Variants in ZXDC observed in about 807,000 individuals in gnomAD.
ZXDC encodes the protein ZXD family zinc finger C, also known as zinc finger protein ZXDC.
ZXDC carries 58 observed loss-of-function variants against 63.6 expected under a neutral mutation model. The ratio of observed to expected loss-of-function variants is 0.91; its 90% CI spans 0.74 to 1.13. The LOEUF (loss-of-function observed/expected upper bound fraction) is 1.13. Among genes scored for constraint, ZXDC ranks in the 50% most tolerant of loss-of-function variants. The probability of loss-of-function intolerance (pLI) is 0.00; values close to 1 mark genes in which losing one functional copy is unlikely to be tolerated. For missense variants in ZXDC, 1,133 were observed against 1,148.9 expected (o/e 0.99, Z 0.20); for synonymous variants, 561 against 496.1 (o/e 1.13, Z -1.74).
At chr3:126,465,820 G>A (rs1934735098) in intron 5 of ZXDC, among the ~76,000 whole-genome samples, 2 of 152,152 alleles carry the variant, frequency 1.3e-5, no homozygotes. Context: ...GCATGGTGGT[G>A]GATGCCTGTG....
chr3:126,470,341 C>T (rs559172456), intron 4 of ZXDC, among the ~76,000 whole-genome samples: 17 of 152,258 alleles, frequency 1.1e-4, no homozygotes, highest in African/African-American at 3.9e-4. Flanking sequence ...GTGGCATACG[C>T]CTGTAGTCCC....
intron 7 of ZXDC, among the ~76,000 whole-genome samples, chr3:126,444,481 G>C (rs931037924): frequency 6.6e-6 from 1 of 151,632 alleles, no homozygotes; most frequent in Admixed American, 6.6e-5. Context: ...GCAGTGAGCC[G>C]AGATCATGCC....
intron 7 of ZXDC, chr3:126,452,316 T>TG (rs1934139536): frequency 2.0e-6 from 2 of 985,314 alleles, no homozygotes; most frequent in South Asian, 9.4e-5. Flanking sequence ...GACTTCTGCA[T>TG]GAAATCGCAC....
intron 7 of ZXDC, chr3:126,457,205 A>T (rs970804996): frequency 5.3e-5 from 51 of 958,884 alleles, no homozygotes; most frequent in Admixed American, 6.2e-5. Context: ...GACTGCGGCC[A>T]CAGGGGACTC....
intron 7 of ZXDC, chr3:126,453,672 T>C: frequency 4.1e-6 from 4 of 985,432 alleles, no homozygotes; most frequent in Non-Finnish European, 4.8e-6. Context: ...TCCATTTTCC[T>C]GTATTTGTAA....
intron 5 of ZXDC, among the ~76,000 whole-genome samples, chr3:126,462,453 A>G (rs1039931665): frequency 1.3e-5 from 2 of 152,182 alleles, no homozygotes; most frequent in Non-Finnish European, 2.9e-5. Flanking sequence ...CACTTTACGT[A>G]CGCGTCTTGG....
Position 126,466,124 on chromosome 3 carries a change from G to A in ZXDC, c.1441+31C>T, listed in dbSNP as rs527524797. 18 of 1,590,572 alleles carry A rather than the reference G, an allele frequency of 1.1e-5. No homozygotes were observed. The South Asian group carries it at 2.0e-4, about 18-fold the overall frequency. On this transcript the variant is annotated intron_variant, in intron 5 of 9. Coordinates refer to ENST00000389709, the MANE Select transcript of ZXDC (RefSeq NM_025112.5). ...TGTTCCCGTTTCTCACAGGGAAGCA[G>A]CTCCCCATGGGGGCCGTGGAAAGTG...
At position 126,460,681 on chromosome 3, in the gene ZXDC, C is replaced by CA. The variant is rs527854591; in HGVS notation, c.2127+853dup. 4.0e-4 allele frequency: 392 copies of CA among 985,402 alleles called. 1 individual carries two copies. The African/African-American group carries it at 6.6e-3, about 16-fold the overall frequency. 61.0% of individuals were successfully genotyped at this position (985,402 alleles called of 1,614,324 possible). On this transcript the variant is annotated intron_variant, in intron 6 of 9. Transcript: ENST00000389709. ...CAAATGCCGGCAAGCATGGCTCTGC[C>CA]ACCGACAAGCAAGACACCAGAAATG...
At chr3:126,471,653 T>C (rs1042606735) in intron 3 of ZXDC, among the ~76,000 whole-genome samples, 1 of 151,654 alleles carries the variant, frequency 6.6e-6, no homozygotes, top group Non-Finnish European at 1.5e-5. Flanking sequence ...ATTACCACCA[T>C]GAAAACTTGT....
intron 8 of ZXDC, chr3:126,440,305 C>G (rs1454462598): frequency 2.0e-6 from 2 of 988,684 alleles, no homozygotes; most frequent in Non-Finnish European, 2.4e-6. Flanking sequence ...CGAAGCGGAG[C>G]TCCTGGTGCT....
At position 126,438,112 on chromosome 3, in the gene ZXDC, T is replaced by C. The variant is rs1426200799; in HGVS notation, c.*263A>G. 1.9e-6 allele frequency: 1 copy of C among 537,880 alleles called. No individual in the cohort carries two copies. Among genetic ancestry groups the C allele is most frequent in the Admixed American group, 3.2e-5 (1 of 31,160 alleles). The allele number at this position is 537,880 out of a possible 1,614,324, so 33.3% of individuals were successfully genotyped here. ...CAACGGGACACGGGGAAAGAGGCTG[T>C]AGTGCACCTAGCCCTGCTGAGGGAG... On this transcript the variant is annotated 3_prime_UTR_variant, in exon 10 of 10. Transcript: ENST00000389709.
chr3:126,469,500 C>G (rs1198931792), intron 4 of ZXDC, among the ~76,000 whole-genome samples: 4 of 152,184 alleles, frequency 2.6e-5, no homozygotes, highest in South Asian at 2.1e-4. Flanking sequence ...TATTGATGCC[C>G]CTTTCTCTTT....
In ZXDC at chr3:126,462,776, G is replaced by T. The variant is rs549357896; in HGVS notation, c.1442-556C>A. On this transcript the variant is annotated intron_variant, in intron 5 of 9. Transcript: ENST00000389709. ...ACTAGCTGCCACCCCAAAACCGACT[G>T]GAGCCATATAGGGGTGAACAAAGGA... is the stretch of plus-strand genomic sequence containing the variant. 2.0e-5 allele frequency among the ~76,000 whole-genome samples: 3 copies of T among 152,324 alleles called. No homozygotes were observed. In the East Asian group the frequency reaches 5.8e-4, roughly 29 times the overall value.
chr3:126,443,871 A>G (rs552709068), intron 7 of ZXDC, among the ~76,000 whole-genome samples: 13 of 151,088 alleles, frequency 8.6e-5, no homozygotes, highest in Middle Eastern at 3.4e-3. Flanking sequence ...AGAAACTTTG[A>G]TAGATAATTA....
At chr3:126,442,766 T>C (rs1187504312) in intron 7 of ZXDC, 1 of 152,086 alleles carries the variant, frequency 6.6e-6, no homozygotes, top group Non-Finnish European at 1.5e-5. Context: ...TGCCCACACA[T>C]CCCTGCCTGG....
chr3:126,465,772 G>A (rs1211163573), intron 5 of ZXDC, among the ~76,000 whole-genome samples: 1 of 152,136 alleles, frequency 6.6e-6, no homozygotes, highest in African/African-American at 2.4e-5. Flanking sequence ...GCAACATAGT[G>A]AAACCCTGTC....
At position 126,441,230 on chromosome 3, in the gene ZXDC, G is replaced by A. The variant is rs2107625997; in HGVS notation, c.2394+535C>T. ...TCTGTGGCCCGGACAGGCTGGGAGG[G>A]GCCTGGGCCTGCCCTGGAGGGGCTC... On this transcript the variant is annotated intron_variant, in intron 8 of 9. Transcript: ENST00000389709. 6 of 985,852 alleles carry A rather than the reference G, an allele frequency of 6.1e-6. No homozygotes were observed. The South Asian group carries it at 2.3e-4, about 39-fold the overall frequency. The allele number at this position is 985,852 out of a possible 1,614,324, so 61.1% of individuals were successfully genotyped here. A position where few individuals can be genotyped will look rare whatever the true frequency, so the allele number is the denominator to read the frequency against.
intron 7 of ZXDC, chr3:126,459,389 C>A (rs1249909409): frequency 1.8e-5 from 18 of 985,274 alleles, no homozygotes; most frequent in Non-Finnish European, 2.2e-5. Flanking sequence ...TAGTAGCCTT[C>A]CAGGTAACTG....
At chr3:126,449,921 C>G (rs992770898) in intron 7 of ZXDC, among the ~76,000 whole-genome samples, 5 of 152,218 alleles carry the variant, frequency 3.3e-5, no homozygotes, top group Non-Finnish European at 7.3e-5. Flanking sequence ...GCAGGACGCT[C>G]TGTGGAGAAG....
Sources: allele counts gnomAD v4.1 joint callset (sites outside exome capture counted in the v4.1 genomes callset), GRCh38; gene constraint gnomAD v4.1.1; transcripts MANE v1.5; gene names NCBI Gene and HGNC (gene_info 2026-07-23, HGNC 2026-07-21).